SYNE2: variants seen among roughly 807,000 people sequenced by gnomAD.
The protein encoded by SYNE2 is spectrin repeat containing nuclear envelope protein 2.
SYNE2 carries 431 observed loss-of-function variants against 856.3 expected under a neutral mutation model. The observed-to-expected ratio is 0.50, with a 90% CI of 0.47 to 0.55. The LOEUF (loss-of-function observed/expected upper bound fraction) is 0.55. Among genes scored for constraint, SYNE2 ranks in the 20% least tolerant of loss-of-function variants. The pLI is 0.00. For missense variants in SYNE2, 8,129 were observed against 8,023.2 expected (o/e 1.01, Z -0.50); for synonymous variants, 2,923 against 2,872.3 (o/e 1.02, Z -0.56).
intron 7 of SYNE2, among the ~76,000 whole-genome samples, chr14:63,952,188 G>A (rs143778934): frequency 3.3e-5 from 5 of 152,218 alleles, no homozygotes; most frequent in African/African-American, 1.2e-4. Context: ...ACCCTCTAAG[G>A]TCTGGCAGCA....
Position 63,974,762 on chromosome 14 carries a change from GTGTGTGTATATATATA to G in SYNE2, c.1129-1785_1129-1770del, listed in dbSNP as rs1026583006. Among the ~76,000 whole-genome samples, 86 of 70,162 alleles carry G rather than the reference GTGTGTGTATATATATA, an allele frequency of 1.2e-3. No homozygotes were observed. The East Asian group carries it at 0.035, about 29-fold the overall frequency. The allele number at this position is 70,162 out of a possible 152,430, so 46.0% of individuals were successfully genotyped here. ...TATACATATATATATGTATATACGT[GTGTGTGTATATATATA>G]TGTGTGTATATATATGTGTATATAT... On this transcript the variant is annotated intron_variant, in intron 11 of 115. Transcript: ENST00000555002.
intron 1 of SYNE2, among the ~76,000 whole-genome samples, chr14:63,791,805 C>T (rs1039695496): frequency 1.3e-5 from 2 of 151,902 alleles, no homozygotes; most frequent in Non-Finnish European, 2.9e-5. Context: ...ATTAGCCGGG[C>T]GTGGTGGCAG....
intron 78 of SYNE2, among the ~76,000 whole-genome samples, chr14:64,136,493 A>G (rs2153686557): frequency 6.6e-6 from 1 of 152,130 alleles, no homozygotes; most frequent in South Asian, 2.1e-4. Context: ...GTAATGATTT[A>G]AAAGGCTTAA....
intron 8 of SYNE2, among the ~76,000 whole-genome samples, chr14:63,959,364 C>A (rs112567413): frequency 0.034 from 4,302 of 127,890 alleles, 234 homozygotes; most frequent in African/African-American, 0.12. Flanking sequence ...GCGGCTCAAT[C>A]TCAGCTCACT....
chr14:63,978,941 A>C lies in SYNE2; in HGVS notation c.1496A>C (p.Lys499Thr). 1 of 1,613,620 alleles carries C rather than the reference A, an allele frequency of 6.2e-7. No individual in the cohort carries two copies. Among genetic ancestry groups the C allele is most frequent in the South Asian group, 1.1e-5 (1 of 91,074 alleles). ...GTTCTTGGTTTGGTAGATGAAGTGA[A>C]ATCAAAATTGGATATTTGGAACATT... Reference protein sequence around the residue: ...CLVLGLVDEVKSKLDIWNIKY... With the variant: ...CLVLGLVDEVTSKLDIWNIKY... The change falls in exon 14 of 116, where the codon AAA (lysine) becomes ACA (threonine). Residue 499 changes from lysine to threonine, a missense_variant. Lys to Thr is a moderately conservative substitution (Grantham distance 78). Around this residue, in one of 3 missense-constraint regions of SYNE2, gnomAD observed 2,422 missense variants for 2,357.4 expected, o/e 1.03. Transcript: ENST00000555002.
intron 26 of SYNE2, 90 bp from the exon 27 acceptor site, chr14:63,998,824 A>G: frequency 1.3e-6 from 2 of 1,498,580 alleles, no homozygotes; most frequent in Non-Finnish European, 1.8e-6. Context: ...TGGCCTCCCA[A>G]AGTGCTAGGA....
In SYNE2 at chr14:64,214,289, C is replaced by T. The variant is rs777311548; in HGVS notation, c.19152C>T (p.Ser6384=). ...QTDSWRKRGE[S]EEPSSPQSLC... ...ATTCTTGGCGTAAACGGGGAGAGAG[C>T]GAGGAACCGTCATCTCCTCAGTCCC... is the stretch of plus-strand genomic sequence containing the variant. The change falls in exon 106 of 116, where the codon AGC becomes AGT. Residue 6384 remains serine (S), a synonymous_variant. Coordinates refer to ENST00000555002, the MANE Select transcript of SYNE2 (RefSeq NM_182914.3). 1.9e-5 allele frequency: 31 copies of T among 1,613,698 alleles called. No homozygotes were observed. The highest frequency in any genetic ancestry group is 8.3e-5 in the Admixed American group (5 of 59,922).
Position 64,007,181 on chromosome 14 carries a change from A to C in SYNE2, c.4536A>C (p.Thr1512=). Residue 1512 remains threonine, a synonymous_variant, in exon 31 of 116, where the codon ACA becomes ACC. Transcript: ENST00000555002. ...CCGTGAATCAACAGTGCCAAAATAC[A>C]GTAGTCTTGTGGGAGAATACCAAAG... ...EKTVNQQCQN[T]VVLWENTKAL... 1 of 1,614,158 alleles carries C rather than the reference A, an allele frequency of 6.2e-7. No individual in the cohort carries two copies. Among genetic ancestry groups the C allele is most frequent in the Non-Finnish European group, 8.5e-7 (1 of 1,179,992 alleles).
At chr14:64,104,012 AAGAAGCTTATCGTTTATATCCT>A (rs2097755196) in intron 64 of SYNE2, among the ~76,000 whole-genome samples, 1 of 152,254 alleles carries the variant, frequency 6.6e-6, no homozygotes, top group African/African-American at 2.4e-5. Flanking sequence ...CATGAGTGGA[AAGAAGCTTATCGTTTATATCCT>A]ATACTCAGCT....
At chr14:64,107,322 G>A (rs756302165) in intron 64 of SYNE2, among the ~76,000 whole-genome samples, 169 bp from the exon 65 acceptor site, 1 of 152,192 alleles carries the variant, frequency 6.6e-6, no homozygotes, top group Non-Finnish European at 1.5e-5. Context: ...CAGTCTTGGG[G>A]AAGCTGATTT....
At chr14:64,146,745 T>C (rs1169956939) in intron 84 of SYNE2, among the ~76,000 whole-genome samples, 2 of 152,246 alleles carry the variant, frequency 1.3e-5, no homozygotes, top group Admixed American at 6.5e-5. Flanking sequence ...CATCACTCAG[T>C]CTTTGCACAC....
intron 66 of SYNE2, among the ~76,000 whole-genome samples, chr14:64,114,698 G>T (rs1461301750): frequency 1.3e-5 from 2 of 151,292 alleles, no homozygotes; most frequent in Non-Finnish European, 2.9e-5. Flanking sequence ...GCTCATTGCA[G>T]CCTCGACTTC....
chr14:64,067,223 A>G (rs1257480026), intron 51 of SYNE2, among the ~76,000 whole-genome samples: 1 of 152,234 alleles, frequency 6.6e-6, no homozygotes, highest in African/African-American at 2.4e-5. Context: ...TCCCTGTAAT[A>G]ACAATAATAA....
chr14:64,186,412 G>A lies in SYNE2; in HGVS notation c.17557-12G>A. 2 of 1,614,142 alleles carry A rather than the reference G, an allele frequency of 1.2e-6. No homozygotes were observed. The highest frequency in any genetic ancestry group is 1.7e-6 in the Non-Finnish European group (2 of 1,180,010). On this transcript the variant is annotated splice_polypyrimidine_tract_variant and intron_variant, in intron 96 of 115. Transcript: ENST00000555002. ...TGAAGGCTTTTTACCCCCTTCTTGTGATTAAATGCAGGAACTAGAACAGTC... is the reference window on the plus strand; with the variant it reads ...TGAAGGCTTTTTACCCCCTTCTTGTAATTAAATGCAGGAACTAGAACAGTC...
At chr14:64,224,362 CAA>C in intron 113 of SYNE2, 97 bp from the exon 114 acceptor site, 1 of 1,190,158 alleles carries the variant, frequency 8.4e-7, no homozygotes, top group South Asian at 1.2e-5. Context: ...CAAAACAAAA[CAA>C]AAAAAGATTG....
intron 1 of SYNE2, among the ~76,000 whole-genome samples, chr14:63,838,532 T>A (rs1310548875): frequency 6.6e-6 from 1 of 152,132 alleles, no homozygotes; most frequent in Non-Finnish European, 1.5e-5. Flanking sequence ...GTTGTTTTTT[T>A]TTAACAGGGT....
In SYNE2 at chr14:64,064,542, A is replaced by ATT. The variant is rs369447974; in HGVS notation, c.10213-866_10213-865dup. Reference sequence around the variant, plus strand: ...ATAATGAGGGCTGTTGTACTTTTAGATTTTTTTTTTTTTTTTTTTTTTTTT... The same window carrying ATT: ...ATAATGAGGGCTGTTGTACTTTTAGATTTTTTTTTTTTTTTTTTTTTTTTTTT... On this transcript the variant is annotated intron_variant, in intron 50 of 115. Transcript: ENST00000555002. Among the ~76,000 whole-genome samples the ATT allele has an allele frequency of 7.1e-3, 740 of 103,598 alleles. 23 individuals carry two copies. The highest frequency in any genetic ancestry group is 0.066 in the East Asian group (224 of 3,386). The allele number at this position is 103,598 out of a possible 152,430, so 68.0% of individuals were successfully genotyped here.
At chr14:64,096,686 C>G (rs917527832) in intron 61 of SYNE2, among the ~76,000 whole-genome samples, 2 of 152,302 alleles carry the variant, frequency 1.3e-5, no homozygotes, top group East Asian at 3.9e-4. Context: ...GAAATGTGTG[C>G]AGTACAGCCA....
intron 1 of SYNE2, among the ~76,000 whole-genome samples, chr14:63,841,664 A>G (rs1890068709): frequency 6.6e-6 from 1 of 152,174 alleles, no homozygotes; most frequent in Admixed American, 6.6e-5. Context: ...TACATTGTCA[A>G]GCTTTTGAAT....
Sources: allele counts gnomAD v4.1 joint callset (sites outside exome capture counted in the v4.1 genomes callset), GRCh38; gene constraint gnomAD v4.1.1; regional missense constraint gnomAD v4.1.1; transcripts MANE v1.5; gene names NCBI Gene and HGNC (gene_info 2026-07-23, HGNC 2026-07-21).